The following FIG4 variants were observed in gnomAD, a reference collection of about 807,000 sequenced individuals.
FIG4 encodes FIG4 phosphoinositide 5-phosphatase.
In FIG4, 112 loss-of-function variants were observed where a neutral mutation model predicts 118.6. The ratio of observed to expected loss-of-function variants is 0.94; its 90% CI spans 0.81 to 1.11. FIG4 has a LOEUF of 1.11. FIG4 is among the 50% of genes least tolerant of loss of function. The pLI, the probability that FIG4 is intolerant of heterozygous loss-of-function variation, is 0.00. For synonymous variants in FIG4, 369 were observed against 381.2 expected (o/e 0.97, Z 0.37); for missense variants, 969 against 1,111.7 (o/e 0.87, Z 1.83).
chr6:109,708,893 T>G (rs974796728), intron 1 of FIG4, among the ~76,000 whole-genome samples: 11 of 152,176 alleles, frequency 7.2e-5, no homozygotes, highest in Non-Finnish European at 1.5e-4. Flanking sequence ...TAGTAAAAAT[T>G]TTCTCTTATT....
intron 10 of FIG4, among the ~76,000 whole-genome samples, chr6:109,758,965 G>A (rs1002747808): frequency 1.3e-5 from 2 of 152,320 alleles, no homozygotes; most frequent in African/African-American, 4.8e-5. Flanking sequence ...ATGCTGGAGA[G>A]GACTTGGAGA....
intron 6 of FIG4, among the ~76,000 whole-genome samples, chr6:109,737,658 A>G (rs986214660): frequency 6.6e-6 from 1 of 152,166 alleles, no homozygotes; most frequent in Non-Finnish European, 1.5e-5. Flanking sequence ...CACTTCATGT[A>G]AGTTTTGTAA....
At chr6:109,734,607 G>T (rs572338051) in intron 5 of FIG4, among the ~76,000 whole-genome samples, 1 of 151,940 alleles carries the variant, frequency 6.6e-6, no homozygotes, top group East Asian at 1.9e-4. Context: ...CACAGAGACG[G>T]TTATATTTTT....
intron 22 of FIG4, among the ~76,000 whole-genome samples, chr6:109,797,977 T>C (rs1778333053): frequency 6.6e-6 from 1 of 152,000 alleles, no homozygotes; most frequent in Non-Finnish European, 1.5e-5. Flanking sequence ...GTGTCTGGCA[T>C]ACACTTGACA....
intron 17 of FIG4, 132 bp from the exon 18 acceptor site, chr6:109,786,170 G>A: frequency 1.4e-6 from 1 of 715,248 alleles, no homozygotes; most frequent in Non-Finnish European, 2.4e-6. Context: ...GGAGGCAGGA[G>A]CTTACCCTCG....
At chr6:109,700,787 G>A (rs752347840) in intron 1 of FIG4, among the ~76,000 whole-genome samples, 1 of 152,204 alleles carries the variant, frequency 6.6e-6, no homozygotes, top group Non-Finnish European at 1.5e-5. Flanking sequence ...TTAAGACATT[G>A]TGTAAAACTA....
At chr6:109,746,191 T>A (rs939181415) in intron 10 of FIG4, among the ~76,000 whole-genome samples, 5 of 152,154 alleles carry the variant, frequency 3.3e-5, no homozygotes, top group African/African-American at 1.2e-4. Context: ...CGGCTAGCCA[T>A]ATGCAGAAAA....
intron 1 of FIG4, among the ~76,000 whole-genome samples, chr6:109,700,431 G>GA (rs903441887): frequency 3.3e-5 from 5 of 152,118 alleles, no homozygotes; most frequent in Admixed American, 3.3e-4. Context: ...GTTTGAATAT[G>GA]AAAAAATGTT....
At chr6:109,748,752 T>C (rs1776586420) in intron 10 of FIG4, among the ~76,000 whole-genome samples, 1 of 152,074 alleles carries the variant, frequency 6.6e-6, no homozygotes, top group Non-Finnish European at 1.5e-5. Context: ...ACGTGTTACA[T>C]GGCGGCAGAC....
intron 6 of FIG4, 145 bp downstream of exon 6, chr6:109,735,443 G>C: frequency 2.7e-6 from 2 of 743,804 alleles, no homozygotes; most frequent in Non-Finnish European, 4.6e-6. Flanking sequence ...ATGTGAAGTT[G>C]ATCAATTCAT....
chr6:109,712,817 G>C (rs1211311718), intron 1 of FIG4, among the ~76,000 whole-genome samples: 1 of 152,192 alleles, frequency 6.6e-6, no homozygotes, highest in Non-Finnish European at 1.5e-5. Context: ...CTGGCTTTTT[G>C]AGTTGTCAGA....
chr6:109,778,920 CT>C (rs1777711967), intron 16 of FIG4, among the ~76,000 whole-genome samples: 1 of 152,092 alleles, frequency 6.6e-6, no homozygotes, highest in African/African-American at 2.4e-5. Flanking sequence ...TTATTAAGTT[CT>C]GTGTTGCTTC....
chr6:109,766,973 A>C, intron 15 of FIG4, 78 bp downstream of exon 15: 1 of 1,187,196 alleles, frequency 8.4e-7, no homozygotes, highest in Non-Finnish European at 1.2e-6. Flanking sequence ...CTATCTGGCT[A>C]AGTGAAATTA....
rs77088071 is a variant in FIG4, at chr6:109,698,201, T to A, written c.66+6700T>A. Among the ~76,000 whole-genome samples, 693 of 151,990 alleles carry A rather than the reference T, an allele frequency of 4.6e-3. 9 individuals are homozygous for A. Among genetic ancestry groups the A allele is most frequent in the African/African-American group, 0.016 (654 of 41,446 alleles). ...CCGTGCCTGGCCTGTTTTTTTTTTT[T>A]ATTTTTTTATTTTTTAGTGTCATTA... On this transcript the variant is annotated intron_variant, in intron 1 of 22. Coordinates refer to ENST00000230124, the MANE Select transcript of FIG4 (RefSeq NM_014845.6).
At chr6:109,810,022 G>A (rs924969589) in intron 22 of FIG4, among the ~76,000 whole-genome samples, 5 of 152,072 alleles carry the variant, frequency 3.3e-5, no homozygotes, top group African/African-American at 1.2e-4. Flanking sequence ...ACACAGTAGT[G>A]CCCAGGGCAG....
At chr6:109,731,846 T>C (rs1381460038) in intron 4 of FIG4, among the ~76,000 whole-genome samples, 2 of 152,122 alleles carry the variant, frequency 1.3e-5, no homozygotes, top group South Asian at 4.1e-4. Flanking sequence ...CAAACATTGA[T>C]TACAAAGTGA....
At position 109,718,775 on chromosome 6, in the gene FIG4, GT is replaced by G. The variant is rs1336385509; in HGVS notation, c.289+2208del. ...ATGTGCTTAAATGCCATAAATGCCA[GT>G]ATGTTAAATTCCACTTTCAGTCCTG... On this transcript the variant is annotated intron_variant, in intron 3 of 22. Coordinates refer to ENST00000230124, the MANE Select transcript of FIG4 (RefSeq NM_014845.6). Among the ~76,000 whole-genome samples, 80 of 152,056 alleles carry G rather than the reference GT, an allele frequency of 5.3e-4. 3 individuals carry two copies. Among genetic ancestry groups the G allele is most frequent in the Non-Finnish European group, 1.0e-4 (7 of 68,008 alleles).
chr6:109,764,327 A>T (rs1777212556), intron 13 of FIG4, among the ~76,000 whole-genome samples: 1 of 151,956 alleles, frequency 6.6e-6, no homozygotes, highest in Admixed American at 6.6e-5. Flanking sequence ...AGTCCCAGCT[A>T]CTTGGGAGTC....
chr6:109,747,630 A>AT, intron 10 of FIG4, among the ~76,000 whole-genome samples: 1 of 152,098 alleles, frequency 6.6e-6, no homozygotes, highest in Admixed American at 6.6e-5. Flanking sequence ...TGGCATTTTT[A>AT]TTTTTTGAAA....
Sources: allele counts gnomAD v4.1 joint callset (sites outside exome capture counted in the v4.1 genomes callset), GRCh38; gene constraint gnomAD v4.1.1; transcripts MANE v1.5; gene names NCBI Gene and HGNC (gene_info 2026-07-23, HGNC 2026-07-21).